EPHA3: variants seen among roughly 807,000 people sequenced by gnomAD.
EPHA3 encodes the protein ephrin type-A receptor 3.
EPHA3 carries 42 observed loss-of-function variants against 107.1 expected under a neutral mutation model. The observed-to-expected ratio is 0.39, with a 90% CI of 0.31 to 0.51. The LOEUF is 0.51. Among genes scored for constraint, EPHA3 ranks in the 20% least tolerant of loss-of-function variants. The pLI, the probability that EPHA3 is intolerant of heterozygous loss-of-function variation, is 0.78. For synonymous variants in EPHA3, 461 were observed against 424.8 expected, an observed-to-expected ratio of 1.09 and a Z score of -1.05; for missense variants, 1,183 against 1,211.2, an observed-to-expected ratio of 0.98 and a Z score of 0.35.
chr3:89,387,128 T>C (rs1184343658), intron 5 of EPHA3, among the ~76,000 whole-genome samples: 1 of 152,120 alleles, frequency 6.6e-6, no homozygotes, highest in African/African-American at 2.4e-5. Context: ...AAGGGCATGA[T>C]TATGTTTTAA....
At chr3:89,214,479 A>G (rs1334981276) in intron 3 of EPHA3, among the ~76,000 whole-genome samples, 1 of 151,966 alleles carries the variant, frequency 6.6e-6, no homozygotes, top group African/African-American at 2.4e-5. Context: ...TAGACCTTAG[A>G]CATATTTTAA....
chr3:89,257,666 G>GAAAAAAAAAAA (rs1705316940), intron 3 of EPHA3, among the ~76,000 whole-genome samples: 1 of 125,804 alleles, frequency 7.9e-6, no homozygotes, highest in African/African-American at 3.0e-5. Context: ...AACATGTTAG[G>GAAAAAAAAAAA]AAATAATAAA....
chr3:89,219,688 G>GTGTTTTTTTTTTTGTTTTTT, intron 3 of EPHA3, among the ~76,000 whole-genome samples: 1 of 34,440 alleles, frequency 2.9e-5, no homozygotes, highest in Non-Finnish European at 5.2e-5. Context: ...ATTTGGCAAT[G>GTGTTTTTTTTTTTGTTTTTT]TTTTTTTTTT....
chr3:89,177,620 G>C (rs1322847823), intron 2 of EPHA3, among the ~76,000 whole-genome samples: 4 of 151,532 alleles, frequency 2.6e-5, no homozygotes, highest in Non-Finnish European at 5.9e-5. Context: ...TGTTAGAAAG[G>C]GTTTTGAAAA....
intron 2 of EPHA3, among the ~76,000 whole-genome samples, chr3:89,161,560 C>A (rs1704942461): frequency 6.6e-6 from 1 of 151,866 alleles, no homozygotes; most frequent in Non-Finnish European, 1.5e-5. Context: ...TATGGATATA[C>A]CATGATTTAT....
chr3:89,127,046 T>G (rs563945508), intron 1 of EPHA3, among the ~76,000 whole-genome samples, 163 bp from the exon 2 acceptor site: 1 of 152,058 alleles, frequency 6.6e-6, no homozygotes, highest in South Asian at 2.1e-4. Flanking sequence ...TCCCTGTGTA[T>G]TTTTTGTAAT....
At position 89,359,673 on chromosome 3, in the gene EPHA3, T is replaced by TTGTG. The variant is rs34701566; in HGVS notation, c.1306+17595_1306+17598dup. Among the ~76,000 whole-genome samples the TTGTG allele has an allele frequency of 3.4e-4, 49 of 145,688 alleles. 1 individual carries two copies. The highest frequency in any genetic ancestry group is 2.0e-3 in the East Asian group (10 of 5,006). ...TAGATGAACTGGCAAACATTATATA[T>TTGTG]TGTGTGTGTGTGTGTATATACGTTA... On this transcript the variant is annotated intron_variant, in intron 5 of 16. Coordinates refer to ENST00000336596, the MANE Select transcript of EPHA3 (RefSeq NM_005233.6).
chr3:89,211,737 CTTCTCCTTCTTCTTCTTCTTCTT>C, intron 3 of EPHA3, among the ~76,000 whole-genome samples: 1 of 10,284 alleles, frequency 9.7e-5, no homozygotes, highest in Non-Finnish European at 2.6e-4. Context: ...TCTTCTTCTT[CTTCTCCTTCTTCTTCTTCTTCTT>C]CTTCTTCTTC....
At chr3:89,197,801 C>T (rs1330145221) in intron 2 of EPHA3, among the ~76,000 whole-genome samples, 2 of 151,900 alleles carry the variant, frequency 1.3e-5, no homozygotes, top group Non-Finnish European at 2.9e-5. Context: ...CATGGTGAAA[C>T]CCTCTTTCTA....
At chr3:89,112,563 A>G (rs1183545068) in intron 1 of EPHA3, among the ~76,000 whole-genome samples, 2 of 152,028 alleles carry the variant, frequency 1.3e-5, no homozygotes, top group African/African-American at 2.4e-5. Flanking sequence ...TTAAATATCA[A>G]ATAGTTACTT....
chr3:89,144,487 T>G (rs1447833803), intron 2 of EPHA3, among the ~76,000 whole-genome samples: 1 of 151,734 alleles, frequency 6.6e-6, no homozygotes, highest in African/African-American at 2.4e-5. Context: ...GTGTGCTTCT[T>G]TTTGAACTTA....
At chr3:89,251,861 G>T (rs1705173692) in intron 3 of EPHA3, among the ~76,000 whole-genome samples, 1 of 151,960 alleles carries the variant, frequency 6.6e-6, no homozygotes, top group Non-Finnish European at 1.5e-5. Context: ...ATATAATGAG[G>T]CATTTTACCA....
intron 16 of EPHA3, among the ~76,000 whole-genome samples, chr3:89,475,286 T>A (rs73139127): frequency 0.19 from 29,059 of 152,144 alleles, 3,373 homozygotes; most frequent in Non-Finnish European, 0.25. Context: ...TTTGATTGCT[T>A]TCAGTCTGTA....
chr3:89,114,033 G>A (rs1005195241), intron 1 of EPHA3, among the ~76,000 whole-genome samples: 2 of 152,092 alleles, frequency 1.3e-5, no homozygotes, highest in Non-Finnish European at 2.9e-5. Context: ...AAAGCAAAGG[G>A]TGAAAATCCA....
At chr3:89,184,838 A>G (rs182264190) in intron 2 of EPHA3, among the ~76,000 whole-genome samples, 13 of 152,200 alleles carry the variant, frequency 8.5e-5, no homozygotes, top group African/African-American at 3.1e-4. Context: ...CAGCAGTGAT[A>G]TTAGAATGTG....
chr3:89,353,220 C>T (rs1212177529), intron 5 of EPHA3, among the ~76,000 whole-genome samples: 2 of 151,174 alleles, frequency 1.3e-5, no homozygotes, highest in African/African-American at 4.8e-5. Flanking sequence ...TGTATGTTGC[C>T]GTGTAATTAT....
chr3:89,186,009 T>G (rs1705557272), intron 2 of EPHA3, among the ~76,000 whole-genome samples: 1 of 152,076 alleles, frequency 6.6e-6, no homozygotes, highest in African/African-American at 2.4e-5. Context: ...TACTTTCTCT[T>G]TTTTCTTTCT....
At chr3:89,307,606 A>G (rs907446893) in intron 3 of EPHA3, among the ~76,000 whole-genome samples, 16 of 152,170 alleles carry the variant, frequency 1.1e-4, no homozygotes, top group African/African-American at 3.6e-4. Flanking sequence ...TCTGCTGCTC[A>G]GGCTGAAGTG....
At chr3:89,250,167 G>T (rs529083662) in intron 3 of EPHA3, among the ~76,000 whole-genome samples, 2 of 152,232 alleles carry the variant, frequency 1.3e-5, no homozygotes, top group South Asian at 2.1e-4. Context: ...ATCCAGGAAG[G>T]TTAACTGATG....
Sources: allele counts gnomAD v4.1 joint callset (sites outside exome capture counted in the v4.1 genomes callset), GRCh38; gene constraint gnomAD v4.1.1; transcripts MANE v1.5; gene names NCBI Gene and HGNC (gene_info 2026-07-23, HGNC 2026-07-21).